The following SBNO2 variants were observed in gnomAD, a reference collection of about 807,000 sequenced individuals.
SBNO2 encodes the protein strawberry notch homolog 2.
In SBNO2, 89 loss-of-function variants were observed where a neutral mutation model predicts 146.3. The ratio of observed to expected loss-of-function variants is 0.61; its 90% CI spans 0.51 to 0.73. SBNO2 has a LOEUF of 0.73. Among genes scored for constraint, SBNO2 ranks in the 30% least tolerant of loss-of-function variants. The pLI, the probability that SBNO2 is intolerant of heterozygous loss-of-function variation, is 0.00. For synonymous variants in SBNO2, 1,147 were observed against 892.6 expected (o/e 1.29, Z -5.08); for missense variants, 2,092 against 2,003.7 (o/e 1.04, Z -0.84).
chr19:1,164,272 C>T (rs937093971), intron 1 of SBNO2, among the ~76,000 whole-genome samples: 3 of 152,204 alleles, frequency 2.0e-5, no homozygotes, highest in African/African-American at 7.2e-5. Flanking sequence ...GGTGGCCGAA[C>T]TGACAGCTTC....
intron 1 of SBNO2, among the ~76,000 whole-genome samples, chr19:1,168,287 A>G (rs1158374433): frequency 3.9e-5 from 6 of 151,936 alleles, no homozygotes; most frequent in Non-Finnish European, 8.8e-5. Context: ...GGCGGGTAGC[A>G]GTCATTCCAG....
rs1478497266 is a variant in SBNO2, at chr19:1,173,030, G to T, written c.-127+1142C>A. Among the ~76,000 whole-genome samples the T allele has an allele frequency of 1.3e-5, 2 of 148,148 alleles. No homozygotes were observed. Among genetic ancestry groups the T allele is most frequent in the East Asian group, 4.0e-4 (2 of 4,990 alleles). On this transcript the variant is annotated intron_variant, in intron 1 of 31. Transcript: ENST00000361757. The surrounding 1 kb of genome is among the most constrained non-coding windows in gnomAD (Gnocchi z 4.7). ...TTTTAACTTTTCAGAATGTTAATCA[G>T]TTCATCCAGGGAGACACCCACCGTC...
chr19:1,154,223 C>T lies in SBNO2; in HGVS notation c.54G>A (p.Pro18=), dbSNP rs776280934. The change falls in exon 2 of 32, where the codon CCG becomes CCA. Residue 18 remains proline, a synonymous_variant. Coordinates refer to ENST00000361757, the MANE Select transcript of SBNO2 (RefSeq NM_014963.3). ...GGCTGTACAGGAGGCTGCCCGCCGG[C>T]GGGGGTTCATGCTGCGGGTAATCCC... ...MDRDYPQHEP[P]PAGSLLYSPP... is the part of the protein sequence containing the mutation. 4.0e-5 allele frequency: 50 copies of T among 1,261,750 alleles called. No homozygotes were observed. The highest frequency in any genetic ancestry group is 1.9e-5 in the Non-Finnish European group (19 of 1,003,204). The allele number at this position is 1,261,750 out of a possible 1,614,324, so 78.2% of individuals were successfully genotyped here. A position where few individuals can be genotyped will look rare whatever the true frequency, so the allele number is the denominator to read the frequency against.
intron 3 of SBNO2, 58 bp from the exon 4 acceptor site, chr19:1,147,478 A>G (rs1269265246): frequency 3.2e-5 from 31 of 974,928 alleles, no homozygotes; most frequent in South Asian, 6.8e-5. Flanking sequence ...CTCCCTCAGT[A>G]ACACACCTGC....
intron 14 of SBNO2, among the ~76,000 whole-genome samples, chr19:1,117,860 G>A (rs1325672215): frequency 2.6e-5 from 4 of 152,254 alleles, no homozygotes; most frequent in Non-Finnish European, 4.4e-5. Flanking sequence ...GGCATGTCTG[G>A]GGCTGGCTGT....
rs1039417155 is a variant in SBNO2 at position 1,150,847 on chromosome 19, C to T, written c.94-1405G>A. On this transcript the variant is annotated intron_variant, in intron 2 of 31. Coordinates refer to ENST00000361757, the MANE Select transcript of SBNO2 (RefSeq NM_014963.3). The surrounding 1 kb of genome is among the most constrained non-coding windows in gnomAD (Gnocchi z 6.2). ...CCCGCAGGTGCTGGGTGGGGGATTCCAGGACCCCCGACAGCCTCGAGATAG... is the reference window on the plus strand; with the variant it reads ...CCCGCAGGTGCTGGGTGGGGGATTCTAGGACCCCCGACAGCCTCGAGATAG... Among the ~76,000 whole-genome samples the T allele has an allele frequency of 6.6e-6, 1 of 152,182 alleles. No homozygotes were observed. Among genetic ancestry groups the T allele is most frequent in the Non-Finnish European group, 1.5e-5 (1 of 68,020 alleles).
intron 4 of SBNO2, among the ~76,000 whole-genome samples, chr19:1,143,677 G>A (rs1237982765): frequency 1.3e-5 from 2 of 152,184 alleles, no homozygotes; most frequent in East Asian, 3.9e-4. Flanking sequence ...CGGCCAGAGC[G>A]CAGGCTCTTC....
At chr19:1,135,267 C>T (rs1051695491) in intron 4 of SBNO2, among the ~76,000 whole-genome samples, 17 of 151,864 alleles carry the variant, frequency 1.1e-4, no homozygotes, top group Non-Finnish European at 1.5e-5. Flanking sequence ...GAGGCCATGG[C>T]AGGAGAATCA....
chr19:1,116,737 G>T, intron 16 of SBNO2, 92 bp downstream of exon 16: 1 of 1,160,146 alleles, frequency 8.6e-7, no homozygotes, highest in Middle Eastern at 2.0e-4. Flanking sequence ...TGCTGCTGGG[G>T]CCAAGGGGCA....
At chr19:1,169,660 T>G (rs1831621791) in intron 1 of SBNO2, among the ~76,000 whole-genome samples, 1 of 144,822 alleles carries the variant, frequency 6.9e-6, no homozygotes, top group African/African-American at 2.4e-5. Flanking sequence ...CACCCCTTGA[T>G]GCAAGCTGGC....
chr19:1,174,098 C>T (rs911704521), intron 1 of SBNO2, 74 bp downstream of exon 1: 5 of 150,472 alleles, frequency 3.3e-5, no homozygotes, highest in African/African-American at 1.2e-4. Flanking sequence ...CGGGGAGCGC[C>T]GGACCCACAA....
At chr19:1,145,248 C>A (rs2080178599) in intron 4 of SBNO2, among the ~76,000 whole-genome samples, 1 of 150,580 alleles carries the variant, frequency 6.6e-6, no homozygotes, top group East Asian at 1.9e-4. Context: ...GGGCGGATCA[C>A]CACAGGTCAG....
chr19:1,138,591 C>T (rs1201885001), intron 4 of SBNO2, among the ~76,000 whole-genome samples: 7 of 152,080 alleles, frequency 4.6e-5, no homozygotes, highest in Non-Finnish European at 7.4e-5. Context: ...CAACTCACGA[C>T]GGCCACGGGT....
chr19:1,132,090 C>G, intron 4 of SBNO2: 1 of 1,540,648 alleles, frequency 6.5e-7, no homozygotes. Flanking sequence ...GGAGTGTTAC[C>G]TTGTTCAGAG....
intron 1 of SBNO2, among the ~76,000 whole-genome samples, chr19:1,159,623 G>T (rs1376278070): frequency 7.6e-5 from 4 of 52,472 alleles, no homozygotes; most frequent in Non-Finnish European, 1.2e-4. Context: ...GGGGGGCAGT[G>T]GGGGGACAGC....
rs1568548288 is a variant in SBNO2 at position 1,109,283 on chromosome 19, G to GCCGCCTAC, written c.3348+1_3348+8dup. 6.3e-7 allele frequency: 1 copy of GCCGCCTAC among 1,587,468 alleles called. No homozygotes were observed. Among genetic ancestry groups the GCCGCCTAC allele is most frequent in the Non-Finnish European group, 8.6e-7 (1 of 1,167,930 alleles). On this transcript the variant is annotated intron_variant, in intron 29 of 31. Coordinates refer to ENST00000361757, the MANE Select transcript of SBNO2 (RefSeq NM_014963.3). This position sits in a 1 kb window ranked among gnomAD's most constrained non-coding sequence, Gnocchi z 4.2. ...ACCCGAGCGAAAGCTGCGCCCGGCG[G>GCCGCCTAC]CCGCCTACCCGGTGGAACTTGCGGC...
In SBNO2 at chr19:1,113,553, G is replaced by T. The variant is rs753236981; in HGVS notation, c.2229C>A (p.Gly743=). 6.3e-7 allele frequency: 1 copy of T among 1,598,880 alleles called. No individual in the cohort carries two copies. Among genetic ancestry groups the T allele is most frequent in the South Asian group, 1.1e-5 (1 of 89,974 alleles). ...CACCCACCTCCGCCACCCGCTGGGG[G>T]CCGCCCAGCTGGTCGATGAGCTCGT... The part of the protein sequence containing the change: ...TLDELIDQLG[G]PQRVAEMTGR... The change falls in exon 19 of 32, where the codon GGC becomes GGA. Residue 743 remains glycine, a synonymous_variant. Transcript: ENST00000361757.
chr19:1,127,215 C>T lies in SBNO2; in HGVS notation c.441+389G>A, dbSNP rs1016262603. The stretch of plus-strand genomic sequence containing the variant: ...CTCTCCAGGGGGCCCTTCCTGACCA[C>T]GCTTCTCTGTCCCGTCACCTTCCTG... On this transcript the variant is annotated intron_variant, in intron 5 of 31. Coordinates refer to ENST00000361757, the MANE Select transcript of SBNO2 (RefSeq NM_014963.3). 5.9e-5 allele frequency among the ~76,000 whole-genome samples: 9 copies of T among 152,238 alleles called. No homozygotes were observed. In the South Asian group the frequency reaches 1.2e-3, roughly 21 times the overall value.
chr19:1,163,100 C>A (rs1599881151), intron 1 of SBNO2, among the ~76,000 whole-genome samples: 1 of 152,266 alleles, frequency 6.6e-6, no homozygotes, highest in South Asian at 2.1e-4. Flanking sequence ...GAGAGGGCAC[C>A]GGGGTGACTA....
Sources: allele counts gnomAD v4.1 joint callset (sites outside exome capture counted in the v4.1 genomes callset), GRCh38; gene constraint gnomAD v4.1.1; non-coding constraint Gnocchi (gnomAD v3.1); transcripts MANE v1.5; gene names NCBI Gene and HGNC (gene_info 2026-07-23, HGNC 2026-07-21).